Variants in CCNJ observed in about 807,000 individuals in gnomAD.
CCNJ encodes cyclin-J.
In CCNJ, 12 loss-of-function variants were observed where a neutral mutation model predicts 41.4. The ratio of observed to expected loss-of-function variants is 0.29; its 90% CI spans 0.19 to 0.47. CCNJ has a LOEUF of 0.47. CCNJ is among the 20% of genes least tolerant of loss of function. CCNJ has a pLI of 1.00. For missense variants in CCNJ, 340 were observed against 464.6 expected, an observed-to-expected ratio of 0.73 and a Z score of 2.47; for synonymous variants, 161 against 173.4, an observed-to-expected ratio of 0.93 and a Z score of 0.56.
At chr10:96,055,454 G>A (rs970676508) in intron 3 of CCNJ, among the ~76,000 whole-genome samples, 1 of 152,188 alleles carries the variant, frequency 6.6e-6, no homozygotes, top group Non-Finnish European at 1.5e-5. Context: ...GACAACTCTG[G>A]TTCTGTTGCT....
chr10:96,043,830 C>G (rs1045969320), intron 1 of CCNJ, 111 bp downstream of exon 1: 18 of 384,242 alleles, frequency 4.7e-5, no homozygotes, highest in Non-Finnish European at 5.5e-5. Context: ...CTTTTGTTCC[C>G]CTTTCTGAGG....
chr10:96,043,088 TC>T (rs1231471701), upstream of CCNJ, among the ~76,000 whole-genome samples: 1 of 152,066 alleles, frequency 6.6e-6, no homozygotes, highest in Non-Finnish European at 1.5e-5. Context: ...GGCCTGATGA[TC>T]CACGGAGCAG....
chr10:96,056,695 T>C lies in CCNJ; in HGVS notation c.281-6T>C. 6.3e-7 allele frequency: 1 copy of C among 1,575,768 alleles called. No individual in the cohort carries two copies. The highest frequency in any genetic ancestry group is 1.2e-5 in the South Asian group (1 of 83,570). On this transcript the variant is annotated splice_polypyrimidine_tract_variant and splice_region_variant and intron_variant, in intron 3 of 5. Coordinates refer to ENST00000465148, the MANE Select transcript of CCNJ (RefSeq NM_001134375.2). ...TCTCTCCCCTCCCATCCCCTTTTCTTATAAGGTAAATTTGAAGAAAAAGAA... is the reference window on the plus strand; with the variant it reads ...TCTCTCCCCTCCCATCCCCTTTTCTCATAAGGTAAATTTGAAGAAAAAGAA...
chr10:96,047,512 C>T (rs2080397881), intron 2 of CCNJ, among the ~76,000 whole-genome samples: 1 of 152,100 alleles, frequency 6.6e-6, no homozygotes, highest in Non-Finnish European at 1.5e-5. Flanking sequence ...GCAGTGAGCG[C>T]TTGTAGTCCC....
In CCNJ at chr10:96,060,235, G is replaced by A. The variant is rs2080787919; in HGVS notation, c.*1994G>A. 1 of 152,614 alleles carries A rather than the reference G, an allele frequency of 6.6e-6. No homozygotes were observed. The highest frequency in any genetic ancestry group is 1.9e-4 in the East Asian group (1 of 5,198). 9.5% of individuals were successfully genotyped at this position (152,614 alleles called of 1,614,324 possible). ...TAACTACCTCAATAATGCTATGAAT[G>A]TAAGATATTGGGATAGAGATCCCAA... is the stretch of plus-strand genomic sequence containing the variant. On this transcript the variant is annotated 3_prime_UTR_variant, in exon 6 of 6. Coordinates refer to ENST00000465148, the MANE Select transcript of CCNJ (RefSeq NM_001134375.2).
At chr10:96,057,375 C>T in intron 5 of CCNJ, 128 bp downstream of exon 5, 1 of 746,788 alleles carries the variant, frequency 1.3e-6, no homozygotes, top group East Asian at 2.5e-5. Flanking sequence ...CAGTTACTTG[C>T]TGCCATGAGC....
In CCNJ at chr10:96,058,491, G is replaced by C; in HGVS notation, c.*250G>C. 2.0e-6 allele frequency: 1 copy of C among 502,080 alleles called. No individual in the cohort carries two copies. The highest frequency in any genetic ancestry group is 3.9e-5 in the South Asian group (1 of 25,538). 31.1% of individuals were successfully genotyped at this position (502,080 alleles called of 1,614,324 possible). ...AAAAATGTTCAAGTCCTGGCTGATGGTCCAAATATTTCAAAAATATTCAGT... is the reference window on the plus strand; with the variant it reads ...AAAAATGTTCAAGTCCTGGCTGATGCTCCAAATATTTCAAAAATATTCAGT... On this transcript the variant is annotated 3_prime_UTR_variant, in exon 6 of 6. Transcript: ENST00000465148.
Position 96,058,025 on chromosome 10 carries a change from G to A in CCNJ, c.936G>A (p.Gln312=). 2 of 1,614,112 alleles carry A rather than the reference G, an allele frequency of 1.2e-6. No individual in the cohort carries two copies. Among genetic ancestry groups the A allele is most frequent in the Non-Finnish European group, 1.7e-6 (2 of 1,179,982 alleles). ...CTACGTCAGAACAACCAAGCTGTCAGCAGATTGTATCGACCACACACACCT... is the reference window on the plus strand; with the variant it reads ...CTACGTCAGAACAACCAAGCTGTCAACAGATTGTATCGACCACACACACCT... ...RHPTSEQPSC[Q]QIVSTTHTSS... Residue 312 remains glutamine (Q), a synonymous_variant, in exon 6 of 6, where the codon CAG becomes CAA. Transcript: ENST00000465148.
At chr10:96,043,578 C>T, upstream of CCNJ, 2 of 395,162 alleles carry the variant, frequency 5.1e-6, 1 homozygote, top group South Asian at 2.6e-4. Context: ...GCCTGCCGGT[C>T]CTTTAACAAT....
chr10:96,047,701 T>C (rs949301704), intron 2 of CCNJ, among the ~76,000 whole-genome samples: 1 of 152,242 alleles, frequency 6.6e-6, no homozygotes, highest in Non-Finnish European at 1.5e-5. Context: ...TATCCATTTA[T>C]CTTAGGTAAT....
chr10:96,044,966 TTAAG>T (rs539544518), intron 2 of CCNJ, among the ~76,000 whole-genome samples: 178 of 152,246 alleles, frequency 1.2e-3, no homozygotes, highest in African/African-American at 4.0e-3. Flanking sequence ...ATTGTGAAAC[TTAAG>T]TTAGTACCGT....
chr10:96,056,830 C>G lies in CCNJ; in HGVS notation c.410C>G (p.Thr137Ser). ...LLHMELLLLE[T>S]FQWNLCLPTA... ...CATATGGAACTATTATTATTAGAAA[C>G]CTTTCAGTGGAACCTCTGCCTTCCA... Residue 137 changes from threonine to serine, a missense_variant, in exon 4 of 6, where the codon ACC becomes AGC. This residue lies in a region of CCNJ where 137 missense variants were observed against 252.9 expected (regional missense o/e 0.54). Transcript: ENST00000465148. 6.2e-7 allele frequency: 1 copy of G among 1,614,124 alleles called. No individual in the cohort carries two copies. The highest frequency in any genetic ancestry group is 8.5e-7 in the Non-Finnish European group (1 of 1,180,004).
intron 3 of CCNJ, among the ~76,000 whole-genome samples, chr10:96,056,413 T>C (rs1201244831): frequency 2.6e-5 from 4 of 151,946 alleles, no homozygotes; most frequent in Non-Finnish European, 5.9e-5. Flanking sequence ...CTGATGAGAT[T>C]GAGTTATTTT....
chr10:96,046,645 C>T (rs1398527665), intron 2 of CCNJ, among the ~76,000 whole-genome samples: 2 of 152,178 alleles, frequency 1.3e-5, no homozygotes, highest in Non-Finnish European at 2.9e-5. Context: ...CATTGAGATA[C>T]TGCAGAAGGT....
rs1036356818 is a variant in CCNJ at position 96,043,617 on chromosome 10, T to C, written c.-144T>C. ...CGGCGCGAGCGTCCAGGCGCTGGGC[T>C]CTAGCTGAGGCCGGCGCTTAGCGGC... On this transcript the variant is annotated 5_prime_UTR_variant, in exon 1 of 6. Coordinates refer to ENST00000465148, the MANE Select transcript of CCNJ (RefSeq NM_001134375.2). 16 of 395,098 alleles carry C rather than the reference T, an allele frequency of 4.0e-5. No individual in the cohort carries two copies. In the Admixed American group the frequency reaches 6.2e-4, roughly 15 times the overall value. The allele number at this position is 395,098 out of a possible 1,614,324, so 24.5% of individuals were successfully genotyped here.
intron 3 of CCNJ, among the ~76,000 whole-genome samples, chr10:96,051,043 C>A (rs2080507403): frequency 6.6e-6 from 1 of 152,154 alleles, no homozygotes; most frequent in Non-Finnish European, 1.5e-5. Context: ...CTTAAAAGTA[C>A]CATATTCTTA....
rs2080737077 is a variant in CCNJ at position 96,057,884 on chromosome 10, T to A, written c.795T>A (p.Pro265=). The A allele has an allele frequency of 6.2e-7, 1 of 1,614,186 alleles. No homozygotes were observed. The highest frequency in any genetic ancestry group is 2.2e-5 in the East Asian group (1 of 44,884). The change falls in exon 6 of 6, where the codon CCT becomes CCA. Residue 265 remains proline, a synonymous_variant. Transcript: ENST00000465148. ...EANKQRGQAG[P]QSAQLSVFQT... is the part of the protein sequence containing the mutation. ...ACAAACAGAGAGGGCAAGCAGGACC[T>A]CAGTCAGCGCAACTAAGTGTATTCC...
At chr10:96,045,357 A>G (rs1346836496) in intron 2 of CCNJ, among the ~76,000 whole-genome samples, 1 of 152,246 alleles carries the variant, frequency 6.6e-6, no homozygotes, top group Non-Finnish European at 1.5e-5. Context: ...GAAAGAAGCA[A>G]AACAGCTGAC....
In CCNJ at chr10:96,059,783, A is replaced by G. The variant is rs2080779493; in HGVS notation, c.*1542A>G. 1 of 152,688 alleles carries G rather than the reference A, an allele frequency of 6.5e-6. No individual in the cohort carries two copies. Among genetic ancestry groups the G allele is most frequent in the African/African-American group, 2.4e-5 (1 of 41,450 alleles). 9.5% of individuals were successfully genotyped at this position (152,688 alleles called of 1,614,324 possible). On this transcript the variant is annotated 3_prime_UTR_variant, in exon 6 of 6. Coordinates refer to ENST00000465148, the MANE Select transcript of CCNJ (RefSeq NM_001134375.2). ...TATGCAGCAGGAGTCTCAGTAATCA[A>G]GCCAATGGCCTTTGTCAGGAAGGGA...
Sources: allele counts gnomAD v4.1 joint callset (sites outside exome capture counted in the v4.1 genomes callset), GRCh38; gene constraint gnomAD v4.1.1; regional missense constraint gnomAD v4.1.1; transcripts MANE v1.5; gene names NCBI Gene and HGNC (gene_info 2026-07-23, HGNC 2026-07-21).